XG: variants seen among roughly 807,000 people sequenced by gnomAD.
XG encodes the protein glycoprotein Xg.
A neutral mutation model predicts 25.7 loss-of-function variants in XG; 24 were observed. The ratio of observed to expected loss-of-function variants is 0.93; its 90% confidence interval spans 0.68 to 1.31. XG has a LOEUF of 1.31. XG is among the 40% of genes most tolerant of loss of function. XG has a pLI of 0.00. For synonymous variants in XG, 77 were observed against 69.2 expected (o/e 1.11, Z -0.56); for missense variants, 181 against 187.6 (o/e 0.96, Z 0.21).
rs182015951 is a variant in XG, at chrX:2,808,749, C to T, written c.454+529C>T. ...TCTTAGAGATTTGGGCTGACACCTGCTTGAGTTTAAGTTGAGAGTAAACGC... is the reference window on the plus strand; with the variant it reads ...TCTTAGAGATTTGGGCTGACACCTGTTTGAGTTTAAGTTGAGAGTAAACGC... On this transcript the variant is annotated intron_variant, in intron 9 of 10. Transcript: ENST00000644266. Among the ~76,000 whole-genome samples, 136 of 111,406 alleles carry T rather than the reference C, an allele frequency of 1.2e-3. 1 individual carries two copies. Among genetic ancestry groups the T allele is most frequent in the Non-Finnish European group, 2.3e-4 (12 of 53,127 alleles).
intron 5 of XG, among the ~76,000 whole-genome samples, chrX:2,790,515 A>AC (rs2086827231): frequency 9.5e-6 from 1 of 104,761 alleles, no homozygotes; most frequent in Admixed American, 1.0e-4. Context: ...GAAAAAAAAA[A>AC]AAAAAAAGAA....
intron 3 of XG, among the ~76,000 whole-genome samples, chrX:2,781,102 C>G (rs909070031): frequency 2.6e-5 from 4 of 151,936 alleles, no homozygotes; most frequent in African/African-American, 9.7e-5. Flanking sequence ...CCCACAACAC[C>G]TGTTTCAGTA....
intron 7 of XG, among the ~76,000 whole-genome samples, chrX:2,804,861 T>C (rs1398538585): frequency 8.9e-6 from 1 of 112,129 alleles, no homozygotes; most frequent in Non-Finnish European, 1.9e-5. Flanking sequence ...CAGGTAGCCC[T>C]GTGGTCCTTG....
In XG at chrX:2,783,177, G is replaced by C. The variant is rs1306345255; in HGVS notation, c.190+1049G>C. On this transcript the variant is annotated intron_variant, in intron 4 of 10. Coordinates refer to ENST00000644266, the MANE Select transcript of XG (RefSeq NM_001141919.2). ...TGTTTTCAGTGCTCCAAATACCTTTGGCTTAACCATTCCCAAACCCCCACG... is the reference window on the plus strand; with the variant it reads ...TGTTTTCAGTGCTCCAAATACCTTTCGCTTAACCATTCCCAAACCCCCACG... Among the ~76,000 whole-genome samples the C allele has an allele frequency of 8.1e-5, 9 of 111,536 alleles. No homozygotes were observed. In the Admixed American group the frequency reaches 8.6e-4, roughly 11 times the overall value.
At chrX:2,769,454 A>G (rs1189245829) in intron 1 of XG, among the ~76,000 whole-genome samples, 1 of 152,198 alleles carries the variant, frequency 6.6e-6, no homozygotes, top group African/African-American at 2.4e-5. Context: ...GGTCATACCA[A>G]CATCCTTGGG....
intron 1 of XG, among the ~76,000 whole-genome samples, chrX:2,760,365 C>A (rs2050536137): frequency 6.6e-6 from 1 of 151,788 alleles, no homozygotes; most frequent in Admixed American, 6.6e-5. Flanking sequence ...CAAATTGTAC[C>A]CTCCTCAATT....
At chrX:2,771,845 A>C (rs311151) in intron 2 of XG, among the ~76,000 whole-genome samples, 79,030 of 151,930 alleles carry the variant, frequency 0.52, 21,178 homozygotes, top group South Asian at 0.66. Context: ...AATTATCCTA[A>C]AAGGCAGATA....
chrX:2,771,641 A>G (rs1182625776), intron 2 of XG, among the ~76,000 whole-genome samples: 3 of 152,200 alleles, frequency 2.0e-5, no homozygotes, highest in African/African-American at 2.4e-5. Flanking sequence ...AGAAAAATAA[A>G]CTTTTGTGTA....
intron 1 of XG, among the ~76,000 whole-genome samples, chrX:2,759,025 T>C (rs1443864962): frequency 1.2e-4 from 4 of 32,988 alleles, no homozygotes; most frequent in Non-Finnish European, 3.4e-4. Context: ...TCTATGTATC[T>C]ATCTATGTAT....
intron 9 of XG, among the ~76,000 whole-genome samples, chrX:2,811,115 C>T (rs200761132): frequency 2.8e-4 from 30 of 105,397 alleles, no homozygotes; most frequent in African/African-American, 9.7e-4. Context: ...GTTTTTTTTT[C>T]TTTTTTTTTA....
intron 1 of XG, among the ~76,000 whole-genome samples, chrX:2,759,980 T>G (rs2050527699): frequency 1.3e-5 from 2 of 152,046 alleles, no homozygotes; most frequent in Admixed American, 1.3e-4. Context: ...ATCTGGAATC[T>G]GCATGTGGCT....
At chrX:2,786,258 G>GTTTTTTTTTT (rs1569039363) in intron 4 of XG, among the ~76,000 whole-genome samples, 7 of 26,256 alleles carry the variant, frequency 2.7e-4, no homozygotes, top group Non-Finnish European at 3.5e-4. Context: ...TATCCATGTT[G>GTTTTTTTTTT]TCTTTTTTTT....
rs755316950 is a variant in XG, at chrX:2,770,016, TGGA to T, written c.62-531_62-529del. ...TCTCAACCTAGACTCTGTGCGTGTG[TGGA>T]GGGGTGGGGGGGGCGTTGGGGGGCG... On this transcript the variant is annotated intron_variant, in intron 1 of 10. Transcript: ENST00000644266. Among the ~76,000 whole-genome samples the T allele has an allele frequency of 5.7e-4, 26 of 45,602 alleles. 1 individual carries two copies. The South Asian group carries it at 0.016, about 29-fold the overall frequency. The allele number at this position is 45,602 out of a possible 152,430, so 29.9% of individuals were successfully genotyped here.
At chrX:2,770,024 TG>T (rs1228784732) in intron 1 of XG, among the ~76,000 whole-genome samples, 4 of 28,182 alleles carry the variant, frequency 1.4e-4, no homozygotes, top group East Asian at 1.1e-3. Context: ...TGTGGAGGGG[TG>T]GGGGGGGCGT....
chrX:2,800,204 G>A (rs2086922010), intron 7 of XG, among the ~76,000 whole-genome samples: 1 of 111,803 alleles, frequency 8.9e-6, no homozygotes, highest in Admixed American at 9.5e-5. Context: ...GAGACAGGAA[G>A]AGGCCTGCTT....
chrX:2,814,318 T>TG (rs942612910), intron 10 of XG, 46 bp from the exon 11 acceptor site: 14 of 1,182,759 alleles, frequency 1.2e-5, no homozygotes, highest in African/African-American at 1.8e-5. Flanking sequence ...AATAAGACTT[T>TG]TTTTTTTGCC....
chrX:2,752,975 A>G, intron 1 of XG: 2 of 985,390 alleles, frequency 2.0e-6, no homozygotes. Context: ...TGAACTCATA[A>G]AGTACAGGAT....
intron 1 of XG, 94 bp downstream of exon 1, chrX:2,752,429 T>G (rs2050352975): frequency 1.6e-5 from 25 of 1,543,430 alleles, no homozygotes; most frequent in Non-Finnish European, 2.0e-5. Context: ...TGCTATGAAG[T>G]GAATGGGGAT....
At chrX:2,756,599 TAAAAG>T (rs1182746773) in intron 1 of XG, among the ~76,000 whole-genome samples, 1 of 86,700 alleles carries the variant, frequency 1.2e-5, no homozygotes, top group African/African-American at 4.9e-5. Flanking sequence ...AAAAATAAAT[TAAAAG>T]AAAAGGATAT....
Sources: allele counts gnomAD v4.1 joint callset (sites outside exome capture counted in the v4.1 genomes callset), GRCh38; gene constraint gnomAD v4.1.1; transcripts MANE v1.5; gene names NCBI Gene and HGNC (gene_info 2026-07-23, HGNC 2026-07-21).